Variants in SLC24A2 observed in about 807,000 individuals in gnomAD.
SLC24A2 encodes solute carrier family 24 member 2.
In SLC24A2, 36 loss-of-function variants were observed where a neutral mutation model predicts 62.0. The observed-to-expected ratio is 0.58, with a 90% confidence interval of 0.44 to 0.77. The LOEUF is 0.77. SLC24A2 is among the 30% of genes least tolerant of loss of function. The pLI, the probability that SLC24A2 is intolerant of heterozygous loss-of-function variation, is 0.00. For missense variants in SLC24A2, 846 were observed against 817.9 expected (o/e 1.03, Z -0.42); for synonymous variants, 358 against 294.0 (o/e 1.22, Z -2.23).
At chr9:19,960,277 C>T in the SLC24A2 span, among the ~76,000 whole-genome samples, 33 of 152,244 alleles carry the variant, frequency 2.2e-4, no homozygotes, top group Admixed American at 9.8e-4. Context: ...CTATGTGTGA[C>T]GCATGATATT....
the SLC24A2 span, among the ~76,000 whole-genome samples, chr9:20,063,368 C>T: frequency 6.6e-6 from 1 of 150,734 alleles, no homozygotes; most frequent in African/African-American, 2.4e-5. Context: ...CGGAAATCAT[C>T]ATTCTCAGTA....
chr9:20,104,466 A>T, the SLC24A2 span, among the ~76,000 whole-genome samples: 1 of 152,234 alleles, frequency 6.6e-6, no homozygotes, highest in East Asian at 1.9e-4. Context: ...CGGGTTACCC[A>T]CAAAGGGAAG....
chr9:20,094,892 G>A, the SLC24A2 span, among the ~76,000 whole-genome samples: 212 of 152,150 alleles, frequency 1.4e-3, 1 homozygote, highest in African/African-American at 5.0e-3. Flanking sequence ...TAATATTTCA[G>A]TTTTCATATT....
chr9:19,825,716 C>A, the SLC24A2 span, among the ~76,000 whole-genome samples: 1 of 152,092 alleles, frequency 6.6e-6, no homozygotes. Context: ...TTCAGAGCAG[C>A]CAGATTGTGT....
chr9:20,037,558 C>T, the SLC24A2 span, among the ~76,000 whole-genome samples: 3 of 152,198 alleles, frequency 2.0e-5, no homozygotes, highest in Non-Finnish European at 2.9e-5. Context: ...AGTGAGATTA[C>T]TGAATTGACA....
At chr9:19,922,106 A>C in the SLC24A2 span, among the ~76,000 whole-genome samples, 1 of 152,220 alleles carries the variant, frequency 6.6e-6, no homozygotes, top group Non-Finnish European at 1.5e-5. Flanking sequence ...TGGATGCATC[A>C]GCCTGTTCCC....
At chr9:19,870,075 C>CT in the SLC24A2 span, among the ~76,000 whole-genome samples, 14 of 152,228 alleles carry the variant, frequency 9.2e-5, 1 homozygote, top group South Asian at 2.1e-3. Flanking sequence ...ACAATTCAGT[C>CT]TTTTTTTAGT....
At chr9:19,948,610 C>A in the SLC24A2 span, among the ~76,000 whole-genome samples, 1 of 152,086 alleles carries the variant, frequency 6.6e-6, no homozygotes, top group Non-Finnish European at 1.5e-5. Flanking sequence ...GTAATCCCAG[C>A]ACTTTGGGAG....
At chr9:19,998,869 C>T in the SLC24A2 span, among the ~76,000 whole-genome samples, 9 of 152,196 alleles carry the variant, frequency 5.9e-5, no homozygotes, top group Non-Finnish European at 1.3e-4. Context: ...TCATGTTCAA[C>T]GGCAGCCCTG....
chr9:19,674,512 G>C (rs139687933), intron 2 of SLC24A2, among the ~76,000 whole-genome samples: 44 of 152,106 alleles, frequency 2.9e-4, no homozygotes, highest in African/African-American at 9.9e-4. Flanking sequence ...TTATTCCTAG[G>C]TTTGGTTAAC....
chr9:20,078,680 T>C, the SLC24A2 span, among the ~76,000 whole-genome samples: 3 of 152,114 alleles, frequency 2.0e-5, no homozygotes, highest in African/African-American at 7.2e-5. Flanking sequence ...TGGGCAACCA[T>C]CCTCTTTCTT....
At chr9:20,153,984 G>A in the SLC24A2 span, among the ~76,000 whole-genome samples, 11 of 151,986 alleles carry the variant, frequency 7.2e-5, no homozygotes, top group Non-Finnish European at 1.3e-4. Flanking sequence ...GCAGATTGCT[G>A]TTGCATAAAT....
intron 2 of SLC24A2, among the ~76,000 whole-genome samples, chr9:19,675,525 T>G (rs1819536909): frequency 1.3e-5 from 2 of 152,098 alleles, no homozygotes; most frequent in Admixed American, 1.3e-4. Flanking sequence ...CGGGTGCGGC[T>G]TGCTGTGCTG....
chr9:20,198,883 A>AT, the SLC24A2 span, among the ~76,000 whole-genome samples: 1 of 152,212 alleles, frequency 6.6e-6, no homozygotes, highest in Non-Finnish European at 1.5e-5. Flanking sequence ...TCTTTTGTGT[A>AT]TGGGCACATT....
the SLC24A2 span, among the ~76,000 whole-genome samples, chr9:19,865,437 G>C: frequency 5.3e-5 from 8 of 152,052 alleles, no homozygotes; most frequent in Non-Finnish European, 1.0e-4. Context: ...AGGAATCCCA[G>C]TACTTGACTT....
the SLC24A2 span, among the ~76,000 whole-genome samples, chr9:20,176,375 A>G: frequency 6.6e-6 from 1 of 152,150 alleles, no homozygotes; most frequent in Non-Finnish European, 1.5e-5. Flanking sequence ...AATCATAATC[A>G]CAGAAAAACA....
the SLC24A2 span, among the ~76,000 whole-genome samples, chr9:19,873,746 C>G: frequency 3.9e-5 from 6 of 152,174 alleles, no homozygotes; most frequent in Admixed American, 2.6e-4. Flanking sequence ...AATTTGGAGC[C>G]TACCCATAGT....
chr9:19,843,776 T>G, the SLC24A2 span, among the ~76,000 whole-genome samples: 1 of 152,136 alleles, frequency 6.6e-6, no homozygotes, highest in African/African-American at 2.4e-5. Context: ...GCATGTGATA[T>G]TTGGTATTCT....
chr9:20,185,525 C>A, the SLC24A2 span, among the ~76,000 whole-genome samples: 5 of 151,602 alleles, frequency 3.3e-5, no homozygotes, highest in Non-Finnish European at 7.4e-5. Flanking sequence ...ATTAGCTGGG[C>A]GTGGTTGTGG....
Sources: allele counts gnomAD v4.1 joint callset (sites outside exome capture counted in the v4.1 genomes callset), GRCh38; gene constraint gnomAD v4.1.1; transcripts MANE v1.5; gene names NCBI Gene and HGNC (gene_info 2026-07-23, HGNC 2026-07-21).